The following TXNDC8 variants were observed in gnomAD, a reference collection of about 807,000 sequenced individuals.
The protein encoded by TXNDC8 is thioredoxin domain-containing protein 8.
In TXNDC8, 15 loss-of-function variants were observed where a neutral mutation model predicts 12.9. That is an observed-to-expected ratio of 1.16 (90% CI 0.78 to 1.79). TXNDC8 has a LOEUF of 1.79. Among genes scored for constraint, TXNDC8 ranks in the 40% most tolerant of loss-of-function variants. TXNDC8 has a pLI of 0.00. For missense variants in TXNDC8, 128 were observed against 113.2 expected (o/e 1.13, Z -0.59); for synonymous variants, 40 against 35.4 (o/e 1.13, Z -0.46).
intron 1 of TXNDC8, among the ~76,000 whole-genome samples, chr9:110,336,973 A>C (rs1199524083): frequency 6.6e-6 from 1 of 152,204 alleles, no homozygotes; most frequent in Non-Finnish European, 1.5e-5. Context: ...ATATTAAAAC[A>C]ATAAGTGTCA....
chr9:110,326,166 G>T lies in TXNDC8; in HGVS notation c.195+9C>A. On this transcript the variant is annotated intron_variant, in intron 3 of 4. Coordinates refer to ENST00000423740, the MANE Select transcript of TXNDC8 (RefSeq NM_001286946.2). ...TAATTCAACCCTGCTGGTTACCCTG[G>T]AAACATACCTTCTGGCTTTTCTTGA... 6.2e-7 allele frequency: 1 copy of T among 1,614,016 alleles called. No individual in the cohort carries two copies. Among genetic ancestry groups the T allele is most frequent in the Non-Finnish European group, 8.5e-7 (1 of 1,179,922 alleles).
chr9:110,305,612 TTTTCTTC>T (rs1838425634), intron 3 of TXNDC8, among the ~76,000 whole-genome samples: 2 of 136,718 alleles, frequency 1.5e-5, no homozygotes, highest in African/African-American at 2.7e-5. Context: ...CTTTCTTTCT[TTTTCTTC>T]CTTCCTTCCT....
At chr9:110,326,055 A>G in intron 3 of TXNDC8, 120 bp downstream of exon 4, 2 of 936,504 alleles carry the variant, frequency 2.1e-6, no homozygotes, top group Non-Finnish European at 3.3e-6. Flanking sequence ...AGAGAATTAT[A>G]TTGGTAAGCA....
rs1213795751 is a variant in TXNDC8, at chr9:110,305,586, CTTTCTTTCTTTCTTTCTT to C, written c.196-1072_196-1055del. Among the ~76,000 whole-genome samples, 927 of 138,284 alleles carry C rather than the reference CTTTCTTTCTTTCTTTCTT, an allele frequency of 6.7e-3. 14 individuals carry two copies. The highest frequency in any genetic ancestry group is 0.027 in the African/African-American group (879 of 32,626). The allele number at this position is 138,284 out of a possible 152,430, so 90.7% of individuals were successfully genotyped here. Reference sequence around the variant, plus strand: ...TCTTTCTTTCTTTCTTTCTTTCTTTCTTTCTTTCTTTCTTTCTTTCTTTCTTTTTCTTCCTTCCTTCCT... The same window carrying C: ...TCTTTCTTTCTTTCTTTCTTTCTTTCTCTTTCTTTTTCTTCCTTCCTTCCT... On this transcript the variant is annotated intron_variant, in intron 3 of 4. Coordinates refer to ENST00000423740, the MANE Select transcript of TXNDC8 (RefSeq NM_001286946.2).
At chr9:110,322,805 A>G in intron 3 of TXNDC8, 2 of 985,566 alleles carry the variant, frequency 2.0e-6, no homozygotes, top group Non-Finnish European at 2.4e-6. Flanking sequence ...GGGAAAAAAC[A>G]GAAGCATTCA....
intron 2 of TXNDC8, among the ~76,000 whole-genome samples, chr9:110,332,101 G>A (rs1437382524): frequency 6.6e-6 from 1 of 152,222 alleles, no homozygotes; most frequent in Admixed American, 6.5e-5. Context: ...TCTGAAGAGT[G>A]GTTAAAAAAC....
At chr9:110,329,187 G>T in intron 2 of TXNDC8, 45 bp downstream of exon 3, 1 of 1,516,898 alleles carries the variant, frequency 6.6e-7, no homozygotes, top group Non-Finnish European at 9.1e-7. Flanking sequence ...CAATTACAAT[G>T]CCTTTGGATT....
chr9:110,308,879 A>G (rs139071482), intron 3 of TXNDC8, among the ~76,000 whole-genome samples: 21 of 152,298 alleles, frequency 1.4e-4, no homozygotes, highest in African/African-American at 4.8e-4. Flanking sequence ...TCTTAGGTCT[A>G]AAGCTCTATT....
At chr9:110,323,737 A>G (rs1352062875) in intron 3 of TXNDC8, 2 of 1,060,498 alleles carry the variant, frequency 1.9e-6, no homozygotes, top group South Asian at 1.6e-5. Flanking sequence ...AGTCAATGCC[A>G]TTAGTACTCT....
intron 3 of TXNDC8, among the ~76,000 whole-genome samples, chr9:110,309,274 G>A (rs1838572794): frequency 3.9e-5 from 6 of 152,250 alleles, no homozygotes; most frequent in Admixed American, 3.3e-4. Flanking sequence ...GTATCTGGGG[G>A]ATTGACCCCC....
chr9:110,304,861 T>G (rs1316308742), intron 3 of TXNDC8, among the ~76,000 whole-genome samples: 2 of 152,094 alleles, frequency 1.3e-5, no homozygotes, highest in East Asian at 3.9e-4. Context: ...CTTTTAAAGA[T>G]GGATGGCCGG....
chr9:110,305,546 T>TTCTTTCTTTC (rs767108351), intron 3 of TXNDC8, among the ~76,000 whole-genome samples: 45 of 115,508 alleles, frequency 3.9e-4, no homozygotes, highest in South Asian at 6.4e-4. Context: ...TGTATTTTCT[T>TTCTTTCTTTC]TTTCTTTCTT....
intron 3 of TXNDC8, among the ~76,000 whole-genome samples, chr9:110,313,748 T>A (rs1838777133): frequency 1.3e-5 from 2 of 152,164 alleles, no homozygotes; most frequent in African/African-American, 4.8e-5. Context: ...TAATGTGGCC[T>A]ATACAGATTT....
intron 3 of TXNDC8, among the ~76,000 whole-genome samples, chr9:110,305,608 TTCTTTTTCTTC>T: frequency 7.2e-6 from 1 of 138,748 alleles, no homozygotes; most frequent in Non-Finnish European, 1.6e-5. Context: ...CTTTCTTTCT[TTCTTTTTCTTC>T]CTTCCTTCCT....
intron 3 of TXNDC8, among the ~76,000 whole-genome samples, chr9:110,307,101 T>C: frequency 6.9e-6 from 1 of 145,482 alleles, no homozygotes; most frequent in East Asian, 2.0e-4. Flanking sequence ...ACCAATACAC[T>C]GGCTTTTTTT....
intron 3 of TXNDC8, chr9:110,322,345 G>T: frequency 1.0e-6 from 1 of 980,162 alleles, no homozygotes; most frequent in South Asian, 4.7e-5. Context: ...TCATCTTAAT[G>T]GTTTAATTTG....
intron 1 of TXNDC8, among the ~76,000 whole-genome samples, chr9:110,334,745 G>A (rs1005704613): frequency 1.3e-5 from 2 of 152,200 alleles, no homozygotes; most frequent in African/African-American, 4.8e-5. Context: ...GGGAGGGATG[G>A]GGGCTGGAGG....
At chr9:110,315,647 C>T (rs901355200) in intron 3 of TXNDC8, among the ~76,000 whole-genome samples, 1 of 151,918 alleles carries the variant, frequency 6.6e-6, no homozygotes, top group South Asian at 2.1e-4. Flanking sequence ...GCTGGGACTA[C>T]AGAATCCTGC....
Position 110,310,425 on chromosome 9 carries a change from G to A in TXNDC8, c.196-5893C>T, listed in dbSNP as rs192976935. Among the ~76,000 whole-genome samples the A allele has an allele frequency of 3.2e-4, 48 of 152,234 alleles. No individual in the cohort carries two copies. In the East Asian group the frequency reaches 8.1e-3, roughly 26 times the overall value. On this transcript the variant is annotated intron_variant, in intron 3 of 4. Coordinates refer to ENST00000423740, the MANE Select transcript of TXNDC8 (RefSeq NM_001286946.2). ...TTAGCTGACAACTGTCTAGGGTAGT[G>A]AAACAGGTTATCAAGAATTTGAAAG...
Sources: gnomAD v4.1 joint callset for allele counts (sites outside exome capture counted in the v4.1 genomes callset) on GRCh38, gnomAD v4.1.1 for gene constraint, MANE v1.5 for transcripts, NCBI Gene and HGNC (gene_info 2026-07-23, HGNC 2026-07-21) for gene names.